Variants in CEP135 observed in about 807,000 individuals in gnomAD.
CEP135 encodes the protein centrosomal protein 135.
CEP135 carries 142 observed loss-of-function variants against 157.3 expected under a neutral mutation model. The ratio of observed to expected loss-of-function variants is 0.90; its 90% CI spans 0.79 to 1.04. CEP135 has a LOEUF of 1.04. Ranked by LOEUF, CEP135 falls within the 50% of genes least tolerant of loss-of-function variation. CEP135 has a pLI of 0.00. For missense variants in CEP135, 1,317 were observed against 1,309.2 expected (o/e 1.01, Z -0.09); for synonymous variants, 396 against 439.8 (o/e 0.90, Z 1.25).
intron 5 of CEP135, among the ~76,000 whole-genome samples, chr4:55,957,612 G>A (rs1013406614): frequency 2.0e-5 from 3 of 152,166 alleles, no homozygotes; most frequent in African/African-American, 7.2e-5. Flanking sequence ...TTGCCATCAA[G>A]AACCTGTTTA....
chr4:56,029,732 A>G (rs971957033), intron 25 of CEP135, among the ~76,000 whole-genome samples: 2 of 152,192 alleles, frequency 1.3e-5, no homozygotes, highest in Non-Finnish European at 1.5e-5. Context: ...AGGCAGTTGT[A>G]ACACAATGGT....
chr4:55,978,441 G>T (rs1463062616), intron 11 of CEP135, among the ~76,000 whole-genome samples: 1 of 152,208 alleles, frequency 6.6e-6, no homozygotes, highest in African/African-American at 2.4e-5. Context: ...ATTCCTTGGA[G>T]AAAGTGACAT....
rs142409237 is a variant in CEP135, at chr4:55,949,765, T to A, written c.-46+706T>A. ...CTAGAAACTTAGAGTATAGCCACCATATTTGGATGGGGGTTATGGGGAAAG... is the reference window on the plus strand; with the variant it reads ...CTAGAAACTTAGAGTATAGCCACCAAATTTGGATGGGGGTTATGGGGAAAG... On this transcript the variant is annotated intron_variant, in intron 1 of 25. Transcript: ENST00000257287. Among the ~76,000 whole-genome samples, 1,163 of 152,342 alleles carry A rather than the reference T, an allele frequency of 7.6e-3. 6 individuals are homozygous for A. The highest frequency in any genetic ancestry group is 0.014 in the Admixed American group (220 of 15,308).
At chr4:55,965,434 C>T (rs956744497) in intron 7 of CEP135, 1 of 421,908 alleles carries the variant, frequency 2.4e-6, no homozygotes, top group African/African-American at 2.0e-5. Context: ...CCTTTCTATG[C>T]TTGAAAATCA....
intron 14 of CEP135, among the ~76,000 whole-genome samples, chr4:55,988,593 G>C (rs999624380): frequency 6.6e-6 from 1 of 151,776 alleles, no homozygotes; most frequent in Non-Finnish European, 1.5e-5. Context: ...CCAGGAGGTA[G>C]AGGTTGCAGT....
chr4:55,993,404 GTTAA>G (rs1171139223), intron 15 of CEP135, among the ~76,000 whole-genome samples: 1 of 152,202 alleles, frequency 6.6e-6, no homozygotes, highest in African/African-American at 2.4e-5. Flanking sequence ...GGTGTGTCTA[GTTAA>G]TTAAGGAATA....
Position 56,024,491 on chromosome 4 carries a change from TTACTAA to T in CEP135, c.3321-9_3321-4del. On this transcript the variant is annotated splice_region_variant and splice_polypyrimidine_tract_variant and intron_variant, in intron 24 of 25. Transcript: ENST00000257287. ...TGAATATATCTCTCTTGTTTGATCT[TTACTAA>T]CAGAGAACGAGCAATCCAAGAGATG... The T allele has an allele frequency of 6.2e-7, 1 of 1,606,924 alleles. No homozygotes were observed. The highest frequency in any genetic ancestry group is 8.5e-7 in the Non-Finnish European group (1 of 1,173,688).
intron 13 of CEP135, among the ~76,000 whole-genome samples, chr4:55,983,074 A>C (rs890725117): frequency 1.3e-5 from 2 of 152,222 alleles, no homozygotes; most frequent in African/African-American, 4.8e-5. Context: ...TTCACCCTAA[A>C]TATAACAGTT....
intron 8 of CEP135, among the ~76,000 whole-genome samples, chr4:55,967,445 T>G (rs1409816159): frequency 6.6e-6 from 1 of 152,130 alleles, no homozygotes; most frequent in African/African-American, 2.4e-5. Context: ...AGTGCACTAT[T>G]GGGGTATGAA....
intron 21 of CEP135, among the ~76,000 whole-genome samples, chr4:56,014,672 A>C (rs1730710169): frequency 6.6e-6 from 1 of 152,166 alleles, no homozygotes; most frequent in Non-Finnish European, 1.5e-5. Flanking sequence ...TCTCCTTGTT[A>C]CTTACAGTAA....
chr4:55,993,385 C>G lies in CEP135; in HGVS notation c.2009+1300C>G, dbSNP rs73155569. 2.6e-3 allele frequency among the ~76,000 whole-genome samples: 392 copies of G among 152,258 alleles called. 1 individual carries two copies. Among genetic ancestry groups the G allele is most frequent in the Middle Eastern group, 0.014 (4 of 294 alleles). On this transcript the variant is annotated intron_variant, in intron 15 of 25. Transcript: ENST00000257287. ...GTCTAATGACTTAATGAAATAAGAC[C>G]AAGAACTGGGTGTGTCTAGTTAATT...
At chr4:55,995,128 G>C (rs989368318) in intron 15 of CEP135, among the ~76,000 whole-genome samples, 1 of 152,138 alleles carries the variant, frequency 6.6e-6, no homozygotes, top group African/African-American at 2.4e-5. Flanking sequence ...CATTTAATGA[G>C]ATCTGGCATT....
At chr4:56,026,086 G>A (rs1377710641) in intron 25 of CEP135, among the ~76,000 whole-genome samples, 1 of 152,138 alleles carries the variant, frequency 6.6e-6, no homozygotes, top group Non-Finnish European at 1.5e-5. Flanking sequence ...GCACGCACCT[G>A]TAGTCTTAGC....
At chr4:56,018,478 C>T (rs1730859635) in intron 22 of CEP135, among the ~76,000 whole-genome samples, 2 of 152,008 alleles carry the variant, frequency 1.3e-5, no homozygotes, top group African/African-American at 4.8e-5. Context: ...AGACTTGAGG[C>T]CAGGTACGAT....
chr4:56,030,837 A>G (rs1194699145), intron 25 of CEP135, among the ~76,000 whole-genome samples: 2 of 152,176 alleles, frequency 1.3e-5, no homozygotes, highest in Non-Finnish European at 2.9e-5. Context: ...GGAAACAAAA[A>G]TCACTTTTTT....
At chr4:55,971,203 C>CT in intron 9 of CEP135, 67 bp from the exon 10 acceptor site, 1 of 1,233,118 alleles carries the variant, frequency 8.1e-7, no homozygotes, top group Admixed American at 2.7e-5. Flanking sequence ...TTATAAAAAT[C>CT]TATCTTAAGT....
chr4:55,999,236 C>T, intron 15 of CEP135, 66 bp from the exon 16 acceptor site: 1 of 1,249,752 alleles, frequency 8.0e-7, no homozygotes, highest in Non-Finnish European at 1.1e-6. Context: ...TAAGAAATCT[C>T]ATTTTTTAAA....
chr4:55,964,468 T>G, intron 7 of CEP135, 66 bp downstream of exon 7: 1 of 1,317,608 alleles, frequency 7.6e-7, no homozygotes, highest in Non-Finnish European at 1.0e-6. Context: ...ACTATATGTT[T>G]ATAATGGTCT....
At chr4:55,976,180 G>A (rs948595261) in intron 11 of CEP135, among the ~76,000 whole-genome samples, 3 of 151,498 alleles carry the variant, frequency 2.0e-5, no homozygotes, top group African/African-American at 7.3e-5. Context: ...CTTGAGCCCA[G>A]GAGTTCGAGG....
Sources: allele counts gnomAD v4.1 joint callset (sites outside exome capture counted in the v4.1 genomes callset), GRCh38; gene constraint gnomAD v4.1.1; transcripts MANE v1.5; gene names NCBI Gene and HGNC (gene_info 2026-07-23, HGNC 2026-07-21).